Variants in DENND5A observed in about 807,000 individuals in gnomAD.
DENND5A encodes DENN domain-containing protein 5A.
In DENND5A, 64 loss-of-function variants were observed where a neutral mutation model predicts 140.3. That is an observed-to-expected ratio of 0.46 (90% CI 0.37 to 0.56). The LOEUF (loss-of-function observed/expected upper bound fraction) is 0.56. Among genes scored for constraint, DENND5A ranks in the 20% least tolerant of loss-of-function variants. DENND5A has a pLI of 0.00. For missense variants in DENND5A, 1,292 were observed against 1,593.8 expected (o/e 0.81, Z 3.22); for synonymous variants, 605 against 607.7 (o/e 1.00, Z 0.07).
intron 5 of DENND5A, among the ~76,000 whole-genome samples, chr11:9,190,187 T>C (rs1161346097): frequency 6.6e-6 from 1 of 152,200 alleles, no homozygotes; most frequent in Non-Finnish European, 1.5e-5. Context: ...AGGACTTGTC[T>C]TGTCTCAGAT....
Position 9,170,705 on chromosome 11 carries a change from A to G in DENND5A, c.1979T>C (p.Ile660Thr). ...GCCCGGCTCATATTTCCCTTGTCCA[A>G]TCTTCATGTCAAGTAAATGTGGGTG... ...AIHPHLLDMK[I>T]GQGKYEPGFF... is the part of the protein sequence containing the mutation. The change falls in exon 9 of 23, where the codon ATT (isoleucine) becomes ACT (threonine). Residue 660 changes from isoleucine (I) to threonine (T), a missense_variant. Ile to Thr is a moderately conservative substitution (Grantham distance 89). Coordinates refer to ENST00000328194, the MANE Select transcript of DENND5A (RefSeq NM_015213.4). The G allele has an allele frequency of 6.2e-7, 1 of 1,613,934 alleles. No homozygotes were observed. The highest frequency in any genetic ancestry group is 8.5e-7 in the Non-Finnish European group (1 of 1,179,990).
intron 12 of DENND5A, among the ~76,000 whole-genome samples, chr11:9,156,642 AG>A (rs1847811957): frequency 1.3e-5 from 2 of 151,294 alleles, no homozygotes; most frequent in African/African-American, 4.9e-5. Context: ...AAAAAAAAAA[AG>A]ATACAAAAAT....
chr11:9,261,603 C>A (rs1226666667), intron 1 of DENND5A, among the ~76,000 whole-genome samples: 2 of 151,894 alleles, frequency 1.3e-5, no homozygotes, highest in Non-Finnish European at 2.9e-5. Flanking sequence ...CATGGTGAAA[C>A]CCCATCTCTA....
intron 16 of DENND5A, 94 bp downstream of exon 16, chr11:9,146,936 T>A: frequency 7.0e-7 from 1 of 1,427,118 alleles, no homozygotes; most frequent in Non-Finnish European, 9.8e-7. Flanking sequence ...CAAGGGATAA[T>A]CTTCTTTCTT....
chr11:9,235,803 G>GC (rs1228448878), intron 1 of DENND5A, among the ~76,000 whole-genome samples: 2 of 152,162 alleles, frequency 1.3e-5, no homozygotes, highest in South Asian at 4.1e-4. Context: ...ACTACTAGTT[G>GC]CCACAGGCTT....
At position 9,170,611 on chromosome 11, in the gene DENND5A, C is replaced by G; in HGVS notation, c.2057+16G>C. ...AGCTAGGGAGTTGGATTAGTGAATC[C>G]CTGGGGTTGACTCACTTGTTGCTGG... On this transcript the variant is annotated intron_variant, in intron 9 of 22. Coordinates refer to ENST00000328194, the MANE Select transcript of DENND5A (RefSeq NM_015213.4). The G allele has an allele frequency of 6.2e-7, 1 of 1,613,460 alleles. No individual in the cohort carries two copies. The highest frequency in any genetic ancestry group is 8.5e-7 in the Non-Finnish European group (1 of 1,179,776).
chr11:9,264,619 G>A (rs1055590187), intron 1 of DENND5A, among the ~76,000 whole-genome samples: 1 of 152,050 alleles, frequency 6.6e-6, no homozygotes, highest in African/African-American at 2.4e-5. Context: ...TAGGACGTGG[G>A]ACGCCTTCCC....
At chr11:9,170,867 C>T in intron 8 of DENND5A, 90 bp from the exon 9 acceptor site, 1 of 1,560,290 alleles carries the variant, frequency 6.4e-7, no homozygotes, top group South Asian at 1.2e-5. Context: ...AAGAATCTAG[C>T]TACTCTTCCA....
intron 9 of DENND5A, 111 bp downstream of exon 9, chr11:9,170,516 T>C: frequency 7.5e-7 from 1 of 1,340,754 alleles, no homozygotes; most frequent in Non-Finnish European, 1.0e-6. Context: ...CTTCTCCATA[T>C]CTGCTTTAGA....
At position 9,179,066 on chromosome 11, in the gene DENND5A, A is replaced by C; in HGVS notation, c.1463T>G (p.Val488Gly). The C allele has an allele frequency of 2.5e-6, 4 of 1,613,356 alleles. No homozygotes were observed. In the South Asian group the frequency reaches 3.3e-5, roughly 13 times the overall value. ...CTTATTGCTGCTGGGGTCTTCACGC[A>C]CTTCCAACTACAAAAAAAGAAAAAG... ...RTGVSLEKLEVREDPSSNKDL... is the reference protein window; with the variant it reads ...RTGVSLEKLEGREDPSSNKDL... Residue 488 changes from valine (V) to glycine (G), a missense_variant, in exon 7 of 23, where the codon GTG becomes GGG. By Grantham distance (109) the Val-to-Gly change is moderately radical. Coordinates refer to ENST00000328194, the MANE Select transcript of DENND5A (RefSeq NM_015213.4).
intron 15 of DENND5A, among the ~76,000 whole-genome samples, chr11:9,149,354 T>C (rs1028620860): frequency 6.6e-6 from 1 of 152,190 alleles, no homozygotes; most frequent in African/African-American, 2.4e-5. Flanking sequence ...GAATCCCTAG[T>C]GGATGCCAAG....
At chr11:9,243,100 A>C (rs1851310379) in intron 1 of DENND5A, among the ~76,000 whole-genome samples, 1 of 138,166 alleles carries the variant, frequency 7.2e-6, no homozygotes, top group Non-Finnish European at 1.5e-5. Context: ...AAAAAAAAAA[A>C]AAAACAAAAA....
At chr11:9,220,849 C>A (rs571461214) in intron 1 of DENND5A, among the ~76,000 whole-genome samples, 1 of 151,770 alleles carries the variant, frequency 6.6e-6, no homozygotes, top group South Asian at 2.1e-4. Flanking sequence ...GCTGAGATCG[C>A]ACCACTGCAC....
intron 5 of DENND5A, among the ~76,000 whole-genome samples, chr11:9,184,745 A>G (rs1032775104): frequency 6.6e-6 from 1 of 152,230 alleles, no homozygotes; most frequent in Non-Finnish European, 1.5e-5. Context: ...ATGCCTGTTC[A>G]TATCTTATGC....
chr11:9,265,104 G>A lies in DENND5A; in HGVS notation c.-35C>T, dbSNP rs937050692. The A allele has an allele frequency of 2.4e-6, 3 of 1,225,214 alleles. No homozygotes were observed. The highest frequency in any genetic ancestry group is 2.1e-6 in the Non-Finnish European group (2 of 970,550). The allele number at this position is 1,225,214 out of a possible 1,614,324, so 75.9% of individuals were successfully genotyped here. On this transcript the variant is annotated 5_prime_UTR_variant, in exon 1 of 23. Transcript: ENST00000328194. This position sits in a 1 kb window ranked among gnomAD's most constrained non-coding sequence, Gnocchi z 4.7. ...GCCGAGACCGGCCGGGCAGTGCGGA[G>A]CGGCACCGAGCCCCCGCAACCCGGG...
intron 1 of DENND5A, among the ~76,000 whole-genome samples, chr11:9,238,364 T>C (rs922207284): frequency 4.6e-5 from 7 of 151,580 alleles, no homozygotes; most frequent in Admixed American, 3.3e-4. Flanking sequence ...TGTGTGTATA[T>C]ATATATATTA....
intron 1 of DENND5A, among the ~76,000 whole-genome samples, chr11:9,216,611 C>T (rs914836508): frequency 1.3e-5 from 2 of 152,164 alleles, no homozygotes; most frequent in African/African-American, 2.4e-5. Context: ...GAGGACTAAC[C>T]GAAAGCCTGT....
rs1346218826 is a variant in DENND5A, at chr11:9,178,983, T to A, written c.1546A>T (p.Ile516Phe). Residue 516 changes from isoleucine (I) to phenylalanine (F), a missense_variant, in exon 7 of 23, where the codon ATC (isoleucine) becomes TTC (phenylalanine). Coordinates refer to ENST00000328194, the MANE Select transcript of DENND5A (RefSeq NM_015213.4). ...AAACGATTTGCAAAAACTTCCCGGA[T>A]CTGAATGTTTAGCTGGTAAATCCTG... is the stretch of plus-strand genomic sequence containing the variant. ...ELRIYQLNIQ[I>F]REVFANRFTQ... The A allele has an allele frequency of 6.2e-7, 1 of 1,614,150 alleles. No homozygotes were observed.
chr11:9,218,723 TG>T (rs1850193858), intron 1 of DENND5A, among the ~76,000 whole-genome samples: 1 of 151,348 alleles, frequency 6.6e-6, no homozygotes, highest in Middle Eastern at 3.5e-3. Context: ...ATAAATGTAT[TG>T]GGCCGGCGTG....
Sources: allele counts gnomAD v4.1 joint callset (sites outside exome capture counted in the v4.1 genomes callset), GRCh38; gene constraint gnomAD v4.1.1; non-coding constraint Gnocchi (gnomAD v3.1); transcripts MANE v1.5; gene names NCBI Gene and HGNC (gene_info 2026-07-23, HGNC 2026-07-21).